The following CHMP3 variants were observed in gnomAD, a reference collection of about 807,000 sequenced individuals.
CHMP3 encodes the protein 25.1 protein.
Under a neutral mutation model 27.4 loss-of-function variants are expected in CHMP3, and 8 were observed. The ratio of observed to expected loss-of-function variants is 0.29; its 90% confidence interval spans 0.17 to 0.53. The LOEUF is 0.53. CHMP3 is among the 20% of genes least tolerant of loss of function. CHMP3 has a pLI of 0.96. For synonymous variants in CHMP3, 86 were observed against 85.5 expected (o/e 1.01, Z -0.03); for missense variants, 208 against 271.5 (o/e 0.77, Z 1.64).
chr2:86,554,820 T>C (rs7594956), intron 1 of CHMP3, among the ~76,000 whole-genome samples: 3,352 of 140,382 alleles, frequency 0.024, 94 homozygotes, highest in African/African-American at 0.07. Context: ...TGCGCGCGTG[T>C]GTGTGTGTGT....
intron 4 of CHMP3, among the ~76,000 whole-genome samples, chr2:86,509,799 C>A (rs1675029609): frequency 6.6e-6 from 1 of 152,234 alleles, no homozygotes; most frequent in Non-Finnish European, 1.5e-5. Flanking sequence ...GAAGAACAGA[C>A]TAGGAGATAG....
chr2:86,541,263 C>G (rs1676347992), intron 2 of CHMP3: 2 of 152,116 alleles, frequency 1.3e-5, no homozygotes, highest in Non-Finnish European at 2.9e-5. Context: ...TTACAGCTTC[C>G]TGGTAGTTGT....
At chr2:86,548,998 G>A (rs1676739259) in intron 1 of CHMP3, among the ~76,000 whole-genome samples, 1 of 150,674 alleles carries the variant, frequency 6.6e-6, no homozygotes, top group South Asian at 2.1e-4. Flanking sequence ...CTCCCAGATG[G>A]GGCGGCCAGG....
chr2:86,516,464 T>C (rs1007404561), intron 3 of CHMP3, among the ~76,000 whole-genome samples: 13 of 152,170 alleles, frequency 8.5e-5, no homozygotes, highest in East Asian at 3.8e-4. Flanking sequence ...ATCAGCACCA[T>C]AGACCTACCA....
At chr2:86,555,834 T>C (rs6750226) in intron 1 of CHMP3, among the ~76,000 whole-genome samples, 59,414 of 151,992 alleles carry the variant, frequency 0.39, 13,594 homozygotes, top group East Asian at 0.75. Flanking sequence ...CCTGAATAAC[T>C]CCCCATCTCA....
intron 1 of CHMP3, among the ~76,000 whole-genome samples, chr2:86,544,130 C>T (rs1481442214): frequency 6.6e-6 from 1 of 152,212 alleles, no homozygotes; most frequent in African/African-American, 2.4e-5. Context: ...TGTATCAGTA[C>T]TTCAGTCCTT....
chr2:86,531,056 G>T (rs1179877014), intron 2 of CHMP3, among the ~76,000 whole-genome samples: 2 of 152,122 alleles, frequency 1.3e-5, no homozygotes, highest in Admixed American at 6.5e-5. Flanking sequence ...TAGGTGTTCT[G>T]TATATACTCT....
chr2:86,510,347 C>T lies in CHMP3; in HGVS notation c.408+11G>A. On this transcript the variant is annotated intron_variant, in intron 4 of 5. Coordinates refer to ENST00000263856, the MANE Select transcript of CHMP3 (RefSeq NM_016079.4). Reference sequence around the variant, plus strand: ...GGTTTGGAAAGGAAAGCAGGGCTAGCCCCAAGTCACCTTCATCATTTCTTT... The same window carrying T: ...GGTTTGGAAAGGAAAGCAGGGCTAGTCCCAAGTCACCTTCATCATTTCTTT... The T allele has an allele frequency of 6.2e-7, 1 of 1,613,040 alleles. No individual in the cohort carries two copies. Among genetic ancestry groups the T allele is most frequent in the South Asian group, 1.1e-5 (1 of 91,052 alleles).
chr2:86,523,387 T>C (rs1675586428), intron 3 of CHMP3, among the ~76,000 whole-genome samples: 1 of 152,200 alleles, frequency 6.6e-6, no homozygotes, highest in Admixed American at 6.5e-5. Flanking sequence ...CAGTAAGCAA[T>C]TATAAATATC....
intron 2 of CHMP3, among the ~76,000 whole-genome samples, chr2:86,538,457 C>T (rs1248822731): frequency 6.6e-6 from 1 of 152,068 alleles, no homozygotes; most frequent in Admixed American, 6.5e-5. Flanking sequence ...TAAAAATCAG[C>T]AGCAAGACTA....
intron 1 of CHMP3, among the ~76,000 whole-genome samples, chr2:86,547,989 G>T (rs1676677650): frequency 2.0e-5 from 3 of 152,072 alleles, no homozygotes; most frequent in Non-Finnish European, 2.9e-5. Flanking sequence ...CCATTAAGAG[G>T]TTATTTTCCA....
intron 3 of CHMP3, among the ~76,000 whole-genome samples, chr2:86,518,885 G>A (rs771781009): frequency 4.6e-5 from 7 of 152,176 alleles, no homozygotes; most frequent in Non-Finnish European, 7.4e-5. Flanking sequence ...GTTTTGGGTT[G>A]CAGGACACTC....
chr2:86,536,223 C>T (rs564927752), intron 2 of CHMP3, among the ~76,000 whole-genome samples: 35 of 151,944 alleles, frequency 2.3e-4, no homozygotes, highest in Middle Eastern at 6.8e-3. Flanking sequence ...TGGTCTCGAT[C>T]TCCTGACCTC....
chr2:86,505,814 A>G lies in CHMP3; in HGVS notation c.659T>C (p.Leu220Pro). Reference protein sequence around the residue: ...LEAMQSRLATLRS With the variant: ...LEAMQSRLATPRS ...CGGGGTAGGCAGCCCCTAGCTGCGG[A>G]GTGTGGCCAGCCGGGACTGCATGGC... The change falls in exon 6 of 6, where the codon CTC becomes CCC. Residue 220 changes from leucine to proline, a missense_variant. Coordinates refer to ENST00000263856, the MANE Select transcript of CHMP3 (RefSeq NM_016079.4). The G allele has an allele frequency of 6.3e-7, 1 of 1,585,364 alleles. No homozygotes were observed. The highest frequency in any genetic ancestry group is 1.4e-5 in the African/African-American group (1 of 73,714).
At chr2:86,511,200 C>A (rs1675093632) in intron 3 of CHMP3, 1 of 152,170 alleles carries the variant, frequency 6.6e-6, no homozygotes, top group Non-Finnish European at 1.5e-5. Context: ...TTCCCTAAAA[C>A]CGGCACACAG....
Position 86,542,155 on chromosome 2 carries a change from A to G in CHMP3, c.106+97T>C, listed in dbSNP as rs1239337658. The G allele has an allele frequency of 3.1e-6, 4 of 1,283,554 alleles. No individual in the cohort carries two copies. The African/African-American group carries it at 6.0e-5, about 19-fold the overall frequency. The allele number at this position is 1,283,554 out of a possible 1,614,324, so 79.5% of individuals were successfully genotyped here. A position where few individuals can be genotyped will look rare whatever the true frequency, so the allele number is the denominator to read the frequency against. On this transcript the variant is annotated intron_variant, in intron 2 of 5. Transcript: ENST00000263856. Reference sequence around the variant, plus strand: ...CTATAAATAACTGATATAGGAATAAACTATGTCTTATGATATATAAATGCA... The same window carrying G: ...CTATAAATAACTGATATAGGAATAAGCTATGTCTTATGATATATAAATGCA...
In CHMP3 at chr2:86,560,050, G is replaced by C. The variant is rs559485325; in HGVS notation, c.45+3254C>G. 3.3e-5 allele frequency among the ~76,000 whole-genome samples: 5 copies of C among 152,316 alleles called. No individual in the cohort carries two copies. In the South Asian group the frequency reaches 1.0e-3, roughly 32 times the overall value. On this transcript the variant is annotated intron_variant, in intron 1 of 5. Coordinates refer to ENST00000263856, the MANE Select transcript of CHMP3 (RefSeq NM_016079.4). ...GGAGGCCAAGGCGGGCAGATCACGA[G>C]GTCAGGAGATCAAGACCATCCTGGC...
chr2:86,544,602 C>T (rs961258700), intron 1 of CHMP3, among the ~76,000 whole-genome samples: 1 of 152,126 alleles, frequency 6.6e-6, no homozygotes, highest in Non-Finnish European at 1.5e-5. Context: ...TTGCACCACC[C>T]TTAATCCATT....
intron 2 of CHMP3, among the ~76,000 whole-genome samples, chr2:86,537,187 C>T (rs892621093): frequency 6.6e-6 from 1 of 152,106 alleles, no homozygotes; most frequent in Non-Finnish European, 1.5e-5. Flanking sequence ...TTCTGTTCCT[C>T]AGACTTGATA....
Sources: gnomAD v4.1 joint callset for allele counts (sites outside exome capture counted in the v4.1 genomes callset) on GRCh38, gnomAD v4.1.1 for gene constraint, MANE v1.5 for transcripts, NCBI Gene and HGNC (gene_info 2026-07-23, HGNC 2026-07-21) for gene names.